Variants in PDE1A observed in about 807,000 individuals in gnomAD.
The protein encoded by PDE1A is phosphodiesterase 1A.
PDE1A carries 35 observed loss-of-function variants against 61.7 expected under a neutral mutation model. The observed-to-expected ratio is 0.57, with a 90% confidence interval of 0.43 to 0.75. The LOEUF (loss-of-function observed/expected upper bound fraction) is 0.75. PDE1A is among the 30% of genes least tolerant of loss of function. The pLI, the probability that PDE1A is intolerant of heterozygous loss-of-function variation, is 0.00. For missense variants in PDE1A, 597 were observed against 630.6 expected (o/e 0.95, Z 0.57); for synonymous variants, 232 against 213.2 (o/e 1.09, Z -0.77).
chr2:182,506,959 T>C (rs1689451842), intron 2 of PDE1A, among the ~76,000 whole-genome samples: 1 of 152,226 alleles, frequency 6.6e-6, no homozygotes, highest in Non-Finnish European at 1.5e-5. Flanking sequence ...CTAAGAGCAA[T>C]ACAAGTTCAG....
intron 1 of PDE1A, among the ~76,000 whole-genome samples, chr2:182,359,230 A>G (rs1370517911): frequency 6.6e-6 from 1 of 152,188 alleles, no homozygotes; most frequent in Non-Finnish European, 1.5e-5. Flanking sequence ...TTTGAAACTG[A>G]TAATAACCAG....
intron 1 of PDE1A, among the ~76,000 whole-genome samples, chr2:182,344,765 CACACAT>C (rs1698416013): frequency 6.6e-6 from 1 of 151,902 alleles, no homozygotes; most frequent in Non-Finnish European, 1.5e-5. Flanking sequence ...CACACACACA[CACACAT>C]ACACAGTGTG....
the PDE1A span, among the ~76,000 whole-genome samples, chr2:182,569,665 T>C: frequency 1.3e-5 from 2 of 152,212 alleles, no homozygotes; most frequent in Non-Finnish European, 2.9e-5. Context: ...ATGGAAAACA[T>C]AGTCTTTTAT....
chr2:182,202,629 C>A (rs1347279599), intron 8 of PDE1A, among the ~76,000 whole-genome samples: 1 of 152,138 alleles, frequency 6.6e-6, no homozygotes, highest in Non-Finnish European at 1.5e-5. Flanking sequence ...AAGCTTCCAT[C>A]ATAAGAACCC....
At chr2:182,565,597 T>C in the PDE1A span, among the ~76,000 whole-genome samples, 2 of 152,016 alleles carry the variant, frequency 1.3e-5, no homozygotes, top group African/African-American at 4.8e-5. Context: ...TTTGCAGCCA[T>C]CCATTACAAT....
intron 1 of PDE1A, among the ~76,000 whole-genome samples, chr2:182,420,700 G>T (rs1379428058): frequency 6.6e-6 from 1 of 151,996 alleles, no homozygotes; most frequent in Non-Finnish European, 1.5e-5. Context: ...CACTAAACGT[G>T]GATACCAACT....
intron 1 of PDE1A, among the ~76,000 whole-genome samples, chr2:182,411,595 C>T (rs1286190598): frequency 6.6e-6 from 1 of 152,166 alleles, no homozygotes; most frequent in African/African-American, 2.4e-5. Flanking sequence ...TCCTTTCAGT[C>T]CCATCGGCCA....
At chr2:182,448,125 T>C (rs1685262911) in intron 2 of PDE1A, among the ~76,000 whole-genome samples, 2 of 152,118 alleles carry the variant, frequency 1.3e-5, no homozygotes, top group South Asian at 2.1e-4. Context: ...GAAACTTCTT[T>C]TAATTTGCAA....
chr2:182,224,863 T>C (rs183086893), intron 6 of PDE1A, among the ~76,000 whole-genome samples: 198 of 151,986 alleles, frequency 1.3e-3, no homozygotes, highest in African/African-American at 4.5e-3. Context: ...CACAAAACAT[T>C]TCCATCACCA....
the PDE1A span, among the ~76,000 whole-genome samples, chr2:182,688,994 T>G: frequency 2.0e-5 from 3 of 152,190 alleles, no homozygotes; most frequent in South Asian, 2.1e-4. Context: ...TAAATATATA[T>G]GCACCCAATA....
intron 1 of PDE1A, among the ~76,000 whole-genome samples, chr2:182,421,285 T>C (rs1703262997): frequency 6.6e-6 from 1 of 152,160 alleles, no homozygotes; most frequent in African/African-American, 2.4e-5. Flanking sequence ...AAGATAAATG[T>C]ACATGTCATC....
intron 6 of PDE1A, among the ~76,000 whole-genome samples, chr2:182,224,176 C>G: frequency 6.6e-6 from 1 of 151,848 alleles, no homozygotes; most frequent in East Asian, 1.9e-4. Context: ...GTTCAAAATT[C>G]AGAATATAAT....
intron 1 of PDE1A, among the ~76,000 whole-genome samples, chr2:182,337,560 G>C (rs1697917034): frequency 6.6e-6 from 1 of 152,084 alleles, no homozygotes; most frequent in Non-Finnish European, 1.5e-5. Context: ...CTTTTCACTA[G>C]AGTTTCCAAA....
intron 1 of PDE1A, among the ~76,000 whole-genome samples, chr2:182,423,817 T>G (rs1703432203): frequency 6.6e-6 from 1 of 151,946 alleles, no homozygotes; most frequent in Admixed American, 6.6e-5. Context: ...ACACTTGTAG[T>G]CAATCAGTGA....
At chr2:182,264,879 A>G (rs1305160650) in intron 1 of PDE1A, among the ~76,000 whole-genome samples, 1 of 39,942 alleles carries the variant, frequency 2.5e-5, no homozygotes, top group Non-Finnish European at 4.4e-5. Flanking sequence ...ATATATATAC[A>G]TATATATATA....
At chr2:182,289,997 A>G (rs1043451418) in intron 1 of PDE1A, among the ~76,000 whole-genome samples, 3 of 151,020 alleles carry the variant, frequency 2.0e-5, no homozygotes, top group Non-Finnish European at 3.0e-5. Context: ...ACATTAAATT[A>G]TCCTAATAAA....
At chr2:182,268,149 GGT>G (rs963297104) in intron 1 of PDE1A, among the ~76,000 whole-genome samples, 17 of 152,144 alleles carry the variant, frequency 1.1e-4, no homozygotes, top group Admixed American at 5.2e-4. Context: ...CAAAGCTTAG[GGT>G]GAGGGCATGT....
intron 2 of PDE1A, among the ~76,000 whole-genome samples, chr2:182,245,458 G>C (rs550413498): frequency 6.6e-6 from 1 of 152,134 alleles, no homozygotes; most frequent in South Asian, 2.1e-4. Context: ...TATCATACAG[G>C]GTAGTTCCAC....
chr2:182,589,269 G>A, the PDE1A span, among the ~76,000 whole-genome samples: 2 of 121,852 alleles, frequency 1.6e-5, no homozygotes, highest in African/African-American at 3.0e-5. Flanking sequence ...GGGAGGGAGG[G>A]AGGAAGGAAG....
Sources: allele counts gnomAD v4.1 joint callset (sites outside exome capture counted in the v4.1 genomes callset), GRCh38; gene constraint gnomAD v4.1.1; transcripts MANE v1.5; gene names NCBI Gene and HGNC (gene_info 2026-07-23, HGNC 2026-07-21).